PCNX1: variants seen among roughly 807,000 people sequenced by gnomAD.
The protein encoded by PCNX1 is pecanex-like protein 1.
In PCNX1, 78 loss-of-function variants were observed where a neutral mutation model predicts 242.2. That is an observed-to-expected ratio of 0.32 (90% confidence interval 0.27 to 0.39). The LOEUF (loss-of-function observed/expected upper bound fraction) is 0.39, where lower values mean the gene tolerates loss of function less well. Ranked by LOEUF, PCNX1 falls within the 10% of genes least tolerant of loss-of-function variation. The pLI is 1.00. For missense variants in PCNX1, 2,581 were observed against 2,856.5 expected, an observed-to-expected ratio of 0.90 and a Z score of 2.20; for synonymous variants, 1,024 against 1,032.9, an observed-to-expected ratio of 0.99 and a Z score of 0.17.
Position 71,103,565 on chromosome 14 carries a change from C to A in PCNX1, c.5991C>A (p.Pro1997=). The part of the protein sequence containing the change: ...QPIGYPIFVS[P]LTTSYSDSHE... The stretch of plus-strand genomic sequence containing the variant: ...TTGGCTACCCAATCTTTGTCTCACC[C>A]CTGACAACTTCTTACTCTGACAGCC... The change falls in exon 32 of 36, where the codon CCC becomes CCA. Residue 1997 remains proline (P), a synonymous_variant. Coordinates refer to ENST00000304743, the MANE Select transcript of PCNX1 (RefSeq NM_014982.3). 1 of 1,614,110 alleles carries A rather than the reference C, an allele frequency of 6.2e-7. No individual in the cohort carries two copies. The highest frequency in any genetic ancestry group is 2.2e-5 in the East Asian group (1 of 44,882).
intron 1 of PCNX1, among the ~76,000 whole-genome samples, chr14:70,924,190 C>T (rs2056491935): frequency 6.7e-6 from 1 of 148,172 alleles, no homozygotes. Context: ...CGAGATTGTG[C>T]CACTGCACTC....
chr14:71,089,331 A>C lies in PCNX1; in HGVS notation c.5578A>C (p.Lys1860Gln). The change falls in exon 30 of 36, where the codon AAA (lysine) becomes CAA (glutamine). Residue 1860 changes from lysine to glutamine, a missense_variant. By Grantham distance (53) the Lys-to-Gln change is moderately conservative. This residue lies in a region of PCNX1 where 298 missense variants were observed against 480.1 expected (regional missense o/e 0.62). Transcript: ENST00000304743. ...AGTCCCTGGGATCCGTATGTCCATT[A>C]AACTTCATCAGGTAAGAAGATGAGA... ...VVVPGIRMSIKLHQDHFTSPD... is the reference protein window; with the variant it reads ...VVVPGIRMSIQLHQDHFTSPD... The C allele has an allele frequency of 6.2e-7, 1 of 1,610,980 alleles. No individual in the cohort carries two copies. Among genetic ancestry groups the C allele is most frequent in the South Asian group, 1.1e-5 (1 of 90,832 alleles).
At chr14:71,109,396 T>A in intron 34 of PCNX1, 56 bp from the exon 35 acceptor site, 2 of 1,484,990 alleles carry the variant, frequency 1.3e-6, no homozygotes, top group African/African-American at 2.8e-5. Context: ...TGAGATTACA[T>A]AATTTTTCAT....
intron 16 of PCNX1, among the ~76,000 whole-genome samples, chr14:71,031,417 A>G (rs2060380423): frequency 6.6e-6 from 1 of 152,214 alleles, no homozygotes; most frequent in African/African-American, 2.4e-5. Context: ...CACCAACAGC[A>G]TAATGCACCT....
At chr14:70,985,337 CCCGAGTAG>C (rs1327410882) in intron 6 of PCNX1, among the ~76,000 whole-genome samples, 3 of 152,178 alleles carry the variant, frequency 2.0e-5, no homozygotes, top group Non-Finnish European at 4.4e-5. Context: ...GCCTCAGCCT[CCCGAGTAG>C]CCGAGATTAC....
At chr14:71,010,007 T>C (rs2059779265) in intron 9 of PCNX1, 1 of 257,974 alleles carries the variant, frequency 3.9e-6, no homozygotes, top group South Asian at 1.6e-4. Flanking sequence ...TTTTCAAGTA[T>C]ACAGTATGTT....
intron 1 of PCNX1, among the ~76,000 whole-genome samples, chr14:70,912,952 TTCAGTATTATCCCCTCAC>T (rs1300025112): frequency 1.3e-5 from 2 of 152,244 alleles, no homozygotes; most frequent in Non-Finnish European, 1.5e-5. Context: ...AGGGCTGGAC[TTCAGTATTATCCCCTCAC>T]AGAGGCTGAG....
At chr14:70,924,654 A>G (rs987126474) in intron 1 of PCNX1, among the ~76,000 whole-genome samples, 1 of 152,040 alleles carries the variant, frequency 6.6e-6, no homozygotes, top group African/African-American at 2.4e-5. Flanking sequence ...TGGCGTGATC[A>G]TGGTTCACCA....
At chr14:70,928,686 A>G (rs1163700891) in intron 1 of PCNX1, among the ~76,000 whole-genome samples, 1 of 152,190 alleles carries the variant, frequency 6.6e-6, no homozygotes, top group Non-Finnish European at 1.5e-5. Context: ...CTCAAGTTAT[A>G]TTCCTATATA....
intron 9 of PCNX1, 150 bp downstream of exon 9, chr14:71,009,874 A>AT (rs2059774562): frequency 2.2e-6 from 1 of 461,144 alleles, no homozygotes; most frequent in Admixed American, 3.6e-5. Flanking sequence ...TATTTATGGC[A>AT]TACAACCTGA....
Position 70,907,800 on chromosome 14 carries a change from GGGCGGGGACGGCGGCGGCGGC to G in PCNX1, c.-45_-25del. The G allele has an allele frequency of 5.7e-6, 7 of 1,228,208 alleles. No individual in the cohort carries two copies. The highest frequency in any genetic ancestry group is 7.1e-6 in the Non-Finnish European group (7 of 984,104). 76.1% of individuals were successfully genotyped at this position (1,228,208 alleles called of 1,614,324 possible). On this transcript the variant is annotated 5_prime_UTR_variant, in exon 1 of 36. Transcript: ENST00000304743. ...GGCGACCGAGGCCGAGCTGGGGCCG[GGGCGGGGACGGCGGCGGCGGC>G]GGCGGCGACGGCGGCGGCGCCGGGT... is the stretch of plus-strand genomic sequence containing the variant.
At chr14:70,972,296 C>T (rs553966177) in intron 5 of PCNX1, among the ~76,000 whole-genome samples, 1 of 151,882 alleles carries the variant, frequency 6.6e-6, no homozygotes, top group South Asian at 2.1e-4. Flanking sequence ...CAGTTCAGGG[C>T]CTATCAGGTG....
chr14:71,055,427 T>C (rs2061156222), intron 24 of PCNX1, 77 bp from the exon 25 acceptor site: 3 of 819,858 alleles, frequency 3.7e-6, no homozygotes, highest in Middle Eastern at 3.5e-4. Context: ...ACATTTCCTA[T>C]AGTTTCTTCC....
At chr14:71,015,471 G>A (rs914632981) in intron 11 of PCNX1, among the ~76,000 whole-genome samples, 5 of 152,130 alleles carry the variant, frequency 3.3e-5, no homozygotes, top group African/African-American at 1.2e-4. Flanking sequence ...TATGTAAAGT[G>A]ATATATCATC....
At chr14:71,019,394 GT>G (rs1207646065) in intron 12 of PCNX1, among the ~76,000 whole-genome samples, 2 of 152,058 alleles carry the variant, frequency 1.3e-5, no homozygotes, top group Admixed American at 6.6e-5. Flanking sequence ...AACTGTGTTT[GT>G]TTTGTTTGTT....
At chr14:71,017,552 AAAAG>A (rs1363974622) in intron 11 of PCNX1, among the ~76,000 whole-genome samples, 1 of 152,242 alleles carries the variant, frequency 6.6e-6, no homozygotes, top group African/African-American at 2.4e-5. Context: ...TTCTAGAAAA[AAAAG>A]AAAACAGGAG....
intron 8 of PCNX1, 150 bp downstream of exon 8, chr14:70,996,075 A>C: frequency 1.6e-6 from 1 of 611,238 alleles, no homozygotes; most frequent in South Asian, 2.2e-5. Context: ...TGTTAGGAAA[A>C]TGTGACTTTT....
intron 12 of PCNX1, among the ~76,000 whole-genome samples, 161 bp from the exon 13 acceptor site, chr14:71,023,039 T>C (rs540808679): frequency 6.6e-6 from 1 of 152,256 alleles, no homozygotes; most frequent in African/African-American, 2.4e-5. Context: ...GACACTGGTA[T>C]CTGGAGCTGA....
Position 70,969,128 on chromosome 14 carries a change from TA to T in PCNX1, c.604+19del. On this transcript the variant is annotated intron_variant, in intron 5 of 35. Transcript: ENST00000304743. ...AGAACAAGGTAAGAACGTTATACTTTACCATGATGTCATATACTGTGGTGAC... is the reference window on the plus strand; with the variant it reads ...AGAACAAGGTAAGAACGTTATACTTTCCATGATGTCATATACTGTGGTGAC... 1 of 1,422,942 alleles carries T rather than the reference TA, an allele frequency of 7.0e-7. No homozygotes were observed. Among genetic ancestry groups the T allele is most frequent in the Non-Finnish European group, 9.9e-7 (1 of 1,005,436 alleles). The allele number at this position is 1,422,942 out of a possible 1,614,324, so 88.1% of individuals were successfully genotyped here.
Sources: gnomAD v4.1 joint callset for allele counts (sites outside exome capture counted in the v4.1 genomes callset) on GRCh38, gnomAD v4.1.1 for gene constraint, gnomAD v4.1.1 regional missense constraint, MANE v1.5 for transcripts, NCBI Gene and HGNC (gene_info 2026-07-23, HGNC 2026-07-21) for gene names.